Variants in BMP7 observed in about 807,000 individuals in gnomAD.
BMP7 encodes osteogenic protein 1.
BMP7 carries 12 observed loss-of-function variants against 41.2 expected under a neutral mutation model. That is an observed-to-expected ratio of 0.29 (90% confidence interval 0.19 to 0.47). The LOEUF (loss-of-function observed/expected upper bound fraction) is 0.47, where lower values mean the gene tolerates loss of function less well. Among genes scored for constraint, BMP7 ranks in the 20% least tolerant of loss-of-function variants. The probability of loss-of-function intolerance (pLI) is 0.99; values close to 1 mark genes in which losing one functional copy is unlikely to be tolerated. For synonymous variants in BMP7, 248 were observed against 250.0 expected (o/e 0.99, Z 0.07); for missense variants, 467 against 606.0 (o/e 0.77, Z 2.41).
At chr20:57,181,108 C>A (rs1057178380) in intron 4 of BMP7, among the ~76,000 whole-genome samples, 6 of 152,156 alleles carry the variant, frequency 3.9e-5, no homozygotes, top group African/African-American at 1.4e-4. Context: ...GTTTGCACCT[C>A]AGACCTTTTT....
At chr20:57,212,626 C>T (rs551169620) in intron 2 of BMP7, among the ~76,000 whole-genome samples, 1 of 152,364 alleles carries the variant, frequency 6.6e-6, no homozygotes, top group African/African-American at 2.4e-5. Context: ...AGCCAGCGAG[C>T]ATGGCCAGAG....
In BMP7 at chr20:57,183,833, C is replaced by T. The variant is rs560540219; in HGVS notation, c.847G>A (p.Ala283Thr). 2.2e-5 allele frequency: 36 copies of T among 1,614,174 alleles called. No homozygotes were observed. The South Asian group carries it at 3.4e-4, about 15-fold the overall frequency. ...KQPFMVAFFK[A>T]TEVHFRSIRS... Reference sequence around the variant, plus strand: ...ATGCTGCGGAAGTGGACCTCCGTGGCCTTGAAGAAAGCCACCATGAAGGGC... The same window carrying T: ...ATGCTGCGGAAGTGGACCTCCGTGGTCTTGAAGAAAGCCACCATGAAGGGC... Residue 283 changes from alanine to threonine, a missense_variant, in exon 4 of 7, where the codon GCC becomes ACC. Physicochemically the swap from Ala to Thr is moderately conservative, Grantham distance 58. Coordinates refer to ENST00000395863, the MANE Select transcript of BMP7 (RefSeq NM_001719.3).
chr20:57,250,365 T>C (rs922424669), intron 1 of BMP7, among the ~76,000 whole-genome samples: 2 of 147,248 alleles, frequency 1.4e-5, no homozygotes, highest in Non-Finnish European at 3.0e-5. Context: ...TATAGATATA[T>C]ATACACACAC....
chr20:57,209,544 G>A (rs1004920625), intron 2 of BMP7, among the ~76,000 whole-genome samples: 3 of 152,012 alleles, frequency 2.0e-5, no homozygotes, highest in South Asian at 2.1e-4. Flanking sequence ...GTTTCCTTTC[G>A]GGGTGATGAA....
chr20:57,244,486 A>G (rs1249719173), intron 1 of BMP7, among the ~76,000 whole-genome samples: 1 of 152,234 alleles, frequency 6.6e-6, no homozygotes, highest in Non-Finnish European at 1.5e-5. Flanking sequence ...TACTCAGCCC[A>G]GGATGCAGGA....
chr20:57,200,044 C>T (rs1415471912), intron 3 of BMP7, among the ~76,000 whole-genome samples: 2 of 152,210 alleles, frequency 1.3e-5, no homozygotes, highest in East Asian at 1.9e-4. Flanking sequence ...TATGGAGCCC[C>T]GGCGGGTTCT....
intron 1 of BMP7, among the ~76,000 whole-genome samples, chr20:57,237,970 A>T: frequency 6.6e-6 from 1 of 152,210 alleles, no homozygotes; most frequent in African/African-American, 2.4e-5. Context: ...TACACAGAAT[A>T]TACAATTTAA....
chr20:57,187,552 G>T (rs1025295791), intron 3 of BMP7, among the ~76,000 whole-genome samples: 1 of 61,536 alleles, frequency 1.6e-5, no homozygotes, highest in African/African-American at 5.1e-5. Flanking sequence ...AAGGAAGCCT[G>T]CCCTCTCTCT....
intron 2 of BMP7, among the ~76,000 whole-genome samples, chr20:57,225,330 T>C (rs2025022): frequency 0.68 from 103,769 of 152,038 alleles, 37,085 homozygotes; most frequent in African/African-American, 0.91. Context: ...TGGACCTACA[T>C]GGGAAGGCAG....
chr20:57,173,671 C>T (rs1983860862), intron 5 of BMP7: 1 of 355,322 alleles, frequency 2.8e-6, no homozygotes, highest in South Asian at 2.7e-5. Flanking sequence ...AAGGAAAGCC[C>T]CACGGGGCTT....
At chr20:57,200,638 A>G (rs1984597360) in intron 3 of BMP7, among the ~76,000 whole-genome samples, 1 of 152,178 alleles carries the variant, frequency 6.6e-6, no homozygotes, top group South Asian at 2.1e-4. Context: ...TGTTACTAAA[A>G]ATAGAAAAAT....
rs540047217 is a variant in BMP7 at position 57,200,062 on chromosome 20, C to T, written c.760+2413G>A. On this transcript the variant is annotated intron_variant, in intron 3 of 6. Transcript: ENST00000395863. ...GGAGCCCCGGCGGGTTCTCAGGAGC[C>T]TCCATTTCCTGCCTGCACCACGGGG... Among the ~76,000 whole-genome samples the T allele has an allele frequency of 2.0e-4, 30 of 152,362 alleles. No homozygotes were observed. In the East Asian group the frequency reaches 5.4e-3, roughly 27 times the overall value.
At chr20:57,234,931 T>A (rs574993811) in intron 1 of BMP7, among the ~76,000 whole-genome samples, 57 of 152,228 alleles carry the variant, frequency 3.7e-4, no homozygotes, top group Non-Finnish European at 6.6e-4. Context: ...AGACAAGCAT[T>A]CACGAAGTGT....
chr20:57,209,324 A>G (rs1984827412), intron 2 of BMP7, among the ~76,000 whole-genome samples: 1 of 146,656 alleles, frequency 6.8e-6, no homozygotes, highest in South Asian at 2.2e-4. Flanking sequence ...ACATGCCTGT[A>G]GTCCCAGCTA....
intron 2 of BMP7, among the ~76,000 whole-genome samples, chr20:57,209,804 C>T (rs1263959074): frequency 1.3e-5 from 2 of 152,208 alleles, no homozygotes; most frequent in Non-Finnish European, 2.9e-5. Context: ...TTTTGCTTCC[C>T]TTTACAAGCT....
chr20:57,201,949 G>T (rs1265339564), intron 3 of BMP7, among the ~76,000 whole-genome samples: 1 of 152,190 alleles, frequency 6.6e-6, no homozygotes, highest in Admixed American at 6.5e-5. Context: ...AATGTGGAAG[G>T]GACCAATGCC....
At chr20:57,255,115 G>A (rs1050619925) in intron 1 of BMP7, among the ~76,000 whole-genome samples, 11 of 145,538 alleles carry the variant, frequency 7.6e-5, no homozygotes, top group Non-Finnish European at 1.2e-4. Context: ...CCATGGGCTC[G>A]GCTTCTGTTT....
At chr20:57,193,425 C>T (rs1019784167) in intron 3 of BMP7, among the ~76,000 whole-genome samples, 1 of 152,164 alleles carries the variant, frequency 6.6e-6, no homozygotes, top group East Asian at 1.9e-4. Flanking sequence ...CTGAGAACTA[C>T]CCAGTAGTGC....
At chr20:57,179,934 T>G (rs928515611) in intron 4 of BMP7, among the ~76,000 whole-genome samples, 1 of 152,046 alleles carries the variant, frequency 6.6e-6, no homozygotes, top group Non-Finnish European at 1.5e-5. Context: ...GGGGCTTTGA[T>G]GAGGAGGCGG....
Sources: gnomAD v4.1 joint callset for allele counts (sites outside exome capture counted in the v4.1 genomes callset) on GRCh38, gnomAD v4.1.1 for gene constraint, MANE v1.5 for transcripts, NCBI Gene and HGNC (gene_info 2026-07-23, HGNC 2026-07-21) for gene names.